Variants in PLEK observed in about 807,000 individuals in gnomAD.
PLEK encodes platelet 47 kDa protein.
Under a neutral mutation model 43.9 loss-of-function variants are expected in PLEK, and 25 were observed. The ratio of observed to expected loss-of-function variants is 0.57; its 90% confidence interval spans 0.41 to 0.79. The LOEUF (loss-of-function observed/expected upper bound fraction) is 0.79, where lower values mean the gene tolerates loss of function less well. PLEK is among the 30% of genes least tolerant of loss of function. The pLI is 0.00. For missense variants in PLEK, 396 were observed against 413.3 expected (o/e 0.96, Z 0.36); for synonymous variants, 152 against 144.4 (o/e 1.05, Z -0.38).
intron 1 of PLEK, among the ~76,000 whole-genome samples, chr2:68,374,227 A>T (rs1276170222): frequency 6.6e-6 from 1 of 152,202 alleles, no homozygotes; most frequent in African/African-American, 2.4e-5. Context: ...TATAATCACA[A>T]TGCCATTATC....
intron 6 of PLEK, among the ~76,000 whole-genome samples, 178 bp downstream of exon 6, chr2:68,388,669 T>C (rs988305059): frequency 3.9e-5 from 6 of 151,988 alleles, no homozygotes; most frequent in Non-Finnish European, 7.4e-5. Flanking sequence ...ATCAGGAAGA[T>C]TGAGTTTGAC....
Position 68,380,795 on chromosome 2 carries a change from G to C in PLEK, c.271G>C (p.Ala91Pro), listed in dbSNP as rs1673597687. ...GGCAGCCTTCCTGGAGGAGAGAGAT[G>C]CCTGGGTTCGGGATATCAAGAAGGC... ...FQAAFLEERD[A>P]WVRDIKKAIK... The change falls in exon 3 of 9, where the codon GCC becomes CCC. Residue 91 changes from alanine to proline, a missense_variant. Transcript: ENST00000234313. 6.2e-7 allele frequency: 1 copy of C among 1,613,904 alleles called. No individual in the cohort carries two copies. The highest frequency in any genetic ancestry group is 8.5e-7 in the Non-Finnish European group (1 of 1,179,886).
intron 2 of PLEK, 31 bp downstream of exon 2, chr2:68,380,514 C>T: frequency 2.5e-6 from 4 of 1,601,396 alleles, no homozygotes; most frequent in Non-Finnish European, 3.4e-6. Flanking sequence ...GCCGTGAACC[C>T]CTGGTCAGGC....
At position 68,395,753 on chromosome 2, in the gene PLEK, C is replaced by T; in HGVS notation, c.990C>T (p.Ala330=). ...AAGTGCACTATTTCTTGCAAGCAGC[C>T]ACCCCCAAGGAGCGCACAGAGTGGA... is the stretch of plus-strand genomic sequence containing the variant. ...ADEVHYFLQA[A]TPKERTEWIR... Residue 330 remains alanine (A), a synonymous_variant, in exon 9 of 9, where the codon GCC becomes GCT. Coordinates refer to ENST00000234313, the MANE Select transcript of PLEK (RefSeq NM_002664.3). 6.2e-7 allele frequency: 1 copy of T among 1,613,772 alleles called. No individual in the cohort carries two copies. Among genetic ancestry groups the T allele is most frequent in the South Asian group, 1.1e-5 (1 of 91,076 alleles).
chr2:68,376,895 A>G (rs1673514442), intron 1 of PLEK, among the ~76,000 whole-genome samples: 1 of 152,126 alleles, frequency 6.6e-6, no homozygotes, highest in South Asian at 2.1e-4. Context: ...GTACCCATTA[A>G]CCATCCCCAC....
chr2:68,383,347 G>C (rs1673668150), intron 4 of PLEK, among the ~76,000 whole-genome samples: 1 of 152,016 alleles, frequency 6.6e-6, no homozygotes, highest in East Asian at 1.9e-4. Flanking sequence ...CAATTCCAGG[G>C]GTTCAAAAAA....
At chr2:68,384,609 C>T (rs1041282692) in intron 4 of PLEK, among the ~76,000 whole-genome samples, 5 of 152,086 alleles carry the variant, frequency 3.3e-5, no homozygotes, top group African/African-American at 4.8e-5. Context: ...CAGGTGGCCT[C>T]GGCTGGGAGA....
chr2:68,366,886 T>A (rs1323747291), intron 1 of PLEK, among the ~76,000 whole-genome samples: 1 of 152,212 alleles, frequency 6.6e-6, no homozygotes, highest in African/African-American at 2.4e-5. Flanking sequence ...ATTAAAAACA[T>A]CTTGCAATGA....
intron 2 of PLEK, 32 bp from the exon 3 acceptor site, chr2:68,380,691 C>G (rs139466919): frequency 6.2e-7 from 1 of 1,602,066 alleles, no homozygotes; most frequent in South Asian, 1.1e-5. Context: ...TTGAAATAAG[C>G]CATTTCTAAT....
At chr2:68,388,566 C>A (rs1264133023) in intron 6 of PLEK, 75 bp downstream of exon 6, 1 of 796,196 alleles carries the variant, frequency 1.3e-6, no homozygotes, top group Non-Finnish European at 2.2e-6. Context: ...TACCCAGTGA[C>A]TTTTGGTTTG....
chr2:68,392,874 AAC>A (rs35473771), intron 6 of PLEK, among the ~76,000 whole-genome samples: 36,980 of 152,022 alleles, frequency 0.24, 5,092 homozygotes, highest in Middle Eastern at 0.36. Flanking sequence ...TACATTACCT[AAC>A]ACAGCACATT....
chr2:68,395,683 G>A lies in PLEK; in HGVS notation c.920G>A (p.Arg307Lys). 1.2e-6 allele frequency: 2 copies of A among 1,614,074 alleles called. No individual in the cohort carries two copies. Reference protein sequence around the residue: ...VTSVESNSNGRKSEEENLFEI... With the variant: ...VTSVESNSNGKKSEEENLFEI... Reference sequence around the variant, plus strand: ...CATTTGCCTTCTCTTTCCCCAGGCAGGAAGAGTGAGGAAGAGAACCTTTTT... The same window carrying A: ...CATTTGCCTTCTCTTTCCCCAGGCAAGAAGAGTGAGGAAGAGAACCTTTTT... The change falls in exon 9 of 9, where the codon AGG (arginine) becomes AAG (lysine). Residue 307 changes from arginine (R) to lysine (K), a missense_variant. Coordinates refer to ENST00000234313, the MANE Select transcript of PLEK (RefSeq NM_002664.3).
At chr2:68,389,347 A>G (rs1379384091) in intron 6 of PLEK, among the ~76,000 whole-genome samples, 1 of 152,238 alleles carries the variant, frequency 6.6e-6, no homozygotes, top group Non-Finnish European at 1.5e-5. Flanking sequence ...AGCTGCCTTA[A>G]AAGTGCTGCT....
intron 6 of PLEK, among the ~76,000 whole-genome samples, chr2:68,389,746 A>G (rs2103782552): frequency 6.6e-6 from 1 of 152,322 alleles, no homozygotes; most frequent in South Asian, 2.1e-4. Context: ...CTAGATTAAA[A>G]GAAAGGCATG....
intron 1 of PLEK, among the ~76,000 whole-genome samples, chr2:68,372,965 T>C (rs1308753336): frequency 1.3e-5 from 2 of 151,978 alleles, no homozygotes; most frequent in African/African-American, 4.8e-5. Context: ...TGTTCAGATG[T>C]GGTAGGCCAA....
chr2:68,388,925 G>C (rs1228735506), intron 6 of PLEK, among the ~76,000 whole-genome samples: 1 of 152,124 alleles, frequency 6.6e-6, no homozygotes, highest in Non-Finnish European at 1.5e-5. Context: ...TGAGAGCAAA[G>C]AAGAGTCATT....
chr2:68,380,725 T>A lies in PLEK; in HGVS notation c.201T>A (p.Phe67Leu). The change falls in exon 3 of 9, where the codon TTT becomes TTA. Residue 67 changes from phenylalanine (F) to leucine (L), a missense_variant and splice_region_variant. Coordinates refer to ENST00000234313, the MANE Select transcript of PLEK (RefSeq NM_002664.3). ...ATGGGATGTGTTTTGATTTTCAGTTTGTGTTTAAGATCACTACGACCAAAC... is the reference window on the plus strand; with the variant it reads ...ATGGGATGTGTTTTGATTTTCAGTTAGTGTTTAAGATCACTACGACCAAAC... ...SPCQDFGKRM[F>L]VFKITTTKQQ... The A allele has an allele frequency of 6.2e-7, 1 of 1,612,440 alleles. No homozygotes were observed. The highest frequency in any genetic ancestry group is 8.5e-7 in the Non-Finnish European group (1 of 1,179,424).
At chr2:68,376,580 T>A (rs11904240) in intron 1 of PLEK, among the ~76,000 whole-genome samples, 1 of 151,302 alleles carries the variant, frequency 6.6e-6, no homozygotes, top group African/African-American at 2.4e-5. Flanking sequence ...TTATTCAGTC[T>A]TATCTATTAA....
chr2:68,368,850 G>A (rs1235151473), intron 1 of PLEK, among the ~76,000 whole-genome samples: 1 of 152,208 alleles, frequency 6.6e-6, no homozygotes, highest in Non-Finnish European at 1.5e-5. Context: ...GCGCAGCAGC[G>A]CTGACTCAGA....
Sources: allele counts gnomAD v4.1 joint callset (sites outside exome capture counted in the v4.1 genomes callset), GRCh38; gene constraint gnomAD v4.1.1; transcripts MANE v1.5; gene names NCBI Gene and HGNC (gene_info 2026-07-23, HGNC 2026-07-21).